FMN1: variants seen among roughly 807,000 people sequenced by gnomAD.
The protein encoded by FMN1 is formin-1.
In FMN1, 110 loss-of-function variants were observed where a neutral mutation model predicts 132.4. The ratio of observed to expected loss-of-function variants is 0.83; its 90% CI spans 0.71 to 0.97. FMN1 has a LOEUF of 0.97. Ranked by LOEUF, FMN1 falls within the 50% of genes least tolerant of loss-of-function variation. FMN1 has a pLI of 0.00. For synonymous variants in FMN1, 722 were observed against 651.7 expected (o/e 1.11, Z -1.64); for missense variants, 1,792 against 1,705.3 (o/e 1.05, Z -0.90).
intron 17 of FMN1, among the ~76,000 whole-genome samples, chr15:32,835,960 A>C (rs1441075063): frequency 6.6e-6 from 1 of 151,974 alleles, no homozygotes; most frequent in Admixed American, 6.6e-5. Flanking sequence ...TTCTGGGCTC[A>C]AGTGTTCCTC....
intron 9 of FMN1, among the ~76,000 whole-genome samples, chr15:32,926,803 G>A (rs1045093584): frequency 6.6e-6 from 1 of 152,086 alleles, no homozygotes; most frequent in African/African-American, 2.4e-5. Flanking sequence ...ATTTTATTTT[G>A]AGAGAAGGTC....
intron 10 of FMN1, among the ~76,000 whole-genome samples, chr15:32,915,598 C>G (rs1596264094): frequency 6.6e-6 from 1 of 152,212 alleles, no homozygotes; most frequent in African/African-American, 2.4e-5. Flanking sequence ...CAAATACAAG[C>G]CTATGCAATT....
rs1050585635 is a variant in FMN1, at chr15:32,969,171, G to C, written c.2530C>G (p.Pro844Ala). The change falls in exon 8 of 21, where the codon CCA becomes GCA. Residue 844 changes from proline (P) to alanine (A), a missense_variant. Pro to Ala is a conservative substitution (Grantham distance 27, BLOSUM62 -1). Transcript: ENST00000616417. ...NISSLSQLSP[P>A]NDHKDIHAAL... ...GCATGGATGTCTTTGTGGTCATTTG[G>C]GGGTGAGAGCTGGCTTAAAGAGGAG... The C allele has an allele frequency of 4.3e-6, 7 of 1,613,796 alleles. No individual in the cohort carries two copies. Among genetic ancestry groups the C allele is most frequent in the African/African-American group, 2.7e-5 (2 of 74,888 alleles).
chr15:33,171,798 C>A (rs1253996981), intron 3 of FMN1, among the ~76,000 whole-genome samples: 1 of 152,142 alleles, frequency 6.6e-6, no homozygotes, highest in Non-Finnish European at 1.5e-5. Context: ...ATGTAAAATG[C>A]TATTCACAAA....
intron 6 of FMN1, among the ~76,000 whole-genome samples, chr15:33,010,461 GTTAAT>G (rs545683657): frequency 2.5e-3 from 373 of 152,228 alleles, no homozygotes; most frequent in African/African-American, 8.0e-3. Flanking sequence ...AAAAAAGGAT[GTTAAT>G]TTGTTTTAAA....
chr15:32,983,669 G>C (rs1418612897), intron 7 of FMN1, among the ~76,000 whole-genome samples: 1 of 152,088 alleles, frequency 6.6e-6, no homozygotes, highest in African/African-American at 2.4e-5. Flanking sequence ...ATCTCTCTCT[G>C]TTGAAAAAAG....
At chr15:32,814,466 C>T (rs2057989240) in intron 17 of FMN1, among the ~76,000 whole-genome samples, 1 of 152,164 alleles carries the variant, frequency 6.6e-6, no homozygotes, top group South Asian at 2.1e-4. Context: ...TTTCAGGTGT[C>T]ATGTAGGGAA....
chr15:32,879,853 A>ATTTTT (rs10676903), intron 16 of FMN1, among the ~76,000 whole-genome samples: 3,980 of 151,702 alleles, frequency 0.026, 64 homozygotes, highest in Middle Eastern at 0.048. Flanking sequence ...TCATTGTGGG[A>ATTTTT]TTTTTTGTTT....
intron 19 of FMN1, among the ~76,000 whole-genome samples, chr15:32,779,604 T>C (rs905766120): frequency 6.6e-6 from 1 of 152,304 alleles, no homozygotes; most frequent in East Asian, 1.9e-4. Context: ...TGTGGCAATA[T>C]ATGCAATCAA....
intron 16 of FMN1, among the ~76,000 whole-genome samples, chr15:32,876,723 T>G (rs1477450552): frequency 6.6e-6 from 1 of 152,156 alleles, no homozygotes; most frequent in African/African-American, 2.4e-5. Context: ...TTTGCAAGAG[T>G]CTTTACTGAA....
At chr15:32,910,631 G>C (rs79093092) in intron 10 of FMN1, 96 bp from the exon 11 acceptor site, 1 of 923,070 alleles carries the variant, frequency 1.1e-6, no homozygotes. Context: ...AATTAACAGA[G>C]TATTGCGTTT....
At chr15:32,943,439 G>A (rs2061439987) in intron 9 of FMN1, among the ~76,000 whole-genome samples, 2 of 152,180 alleles carry the variant, frequency 1.3e-5, no homozygotes, top group Non-Finnish European at 2.9e-5. Context: ...GACATTAAGA[G>A]GCTGGTTGGT....
At chr15:33,025,207 T>G (rs2035609911) in intron 6 of FMN1, among the ~76,000 whole-genome samples, 1 of 152,098 alleles carries the variant, frequency 6.6e-6, no homozygotes, top group Non-Finnish European at 1.5e-5. Context: ...ACACTTAAAA[T>G]CTATGAAGCA....
At chr15:33,083,025 T>C (rs2038546335) in intron 5 of FMN1, among the ~76,000 whole-genome samples, 1 of 151,962 alleles carries the variant, frequency 6.6e-6, no homozygotes, top group Admixed American at 6.6e-5. Context: ...AGAATTTGCT[T>C]GACCAGGATT....
chr15:33,088,295 G>GT (rs1353029456), intron 5 of FMN1, among the ~76,000 whole-genome samples: 16 of 152,162 alleles, frequency 1.1e-4, no homozygotes, highest in African/African-American at 3.6e-4. Context: ...AGGTGGTTAT[G>GT]TTTTTTAAAT....
chr15:32,856,909 G>A, intron 17 of FMN1, 106 bp downstream of exon 17: 1 of 754,880 alleles, frequency 1.3e-6, no homozygotes, highest in East Asian at 2.5e-5. Flanking sequence ...CACCAGAGCT[G>A]CCTGTGGTCA....
intron 17 of FMN1, among the ~76,000 whole-genome samples, chr15:32,848,981 T>TTG (rs1555472037): frequency 4.3e-5 from 5 of 115,488 alleles, no homozygotes; most frequent in African/African-American, 1.5e-4. Flanking sequence ...TCTTTTGTTT[T>TTG]TTTTTTTTTT....
intron 6 of FMN1, among the ~76,000 whole-genome samples, chr15:33,018,371 GT>G (rs2035196987): frequency 6.6e-6 from 1 of 152,116 alleles, no homozygotes; most frequent in Non-Finnish European, 1.5e-5. Flanking sequence ...TGATTAGAGG[GT>G]TGGGACTTTC....
At chr15:32,788,036 T>C (rs965373544) in intron 19 of FMN1, among the ~76,000 whole-genome samples, 1 of 108,850 alleles carries the variant, frequency 9.2e-6, no homozygotes, top group Admixed American at 1.1e-4. Context: ...CACTTCATAG[T>C]TTTTGTGAGC....
Sources: gnomAD v4.1 joint callset for allele counts (sites outside exome capture counted in the v4.1 genomes callset) on GRCh38, gnomAD v4.1.1 for gene constraint, MANE v1.5 for transcripts, NCBI Gene and HGNC (gene_info 2026-07-23, HGNC 2026-07-21) for gene names.